ESRRG: variants seen among roughly 807,000 people sequenced by gnomAD.
The protein encoded by ESRRG is estrogen related receptor gamma, also known as estrogen-related receptor gamma.
In ESRRG, 13 loss-of-function variants were observed where a neutral mutation model predicts 44.0. The ratio of observed to expected loss-of-function variants is 0.30; its 90% CI spans 0.19 to 0.47. ESRRG has a LOEUF of 0.47. ESRRG is among the 20% of genes least tolerant of loss of function. The pLI is 1.00. For synonymous variants in ESRRG, 215 were observed against 214.6 expected (o/e 1.00, Z -0.02); for missense variants, 395 against 580.6 (o/e 0.68, Z 3.29).
chr1:216,827,075 A>G (rs1156686615), intron 2 of ESRRG, among the ~76,000 whole-genome samples: 1 of 152,204 alleles, frequency 6.6e-6, no homozygotes, highest in Non-Finnish European at 1.5e-5. Context: ...GATCATAGAA[A>G]AAGCCTGAAA....
chr1:217,065,176 C>T (rs1182760626), intron 1 of ESRRG, among the ~76,000 whole-genome samples: 1 of 152,202 alleles, frequency 6.6e-6, no homozygotes, highest in Non-Finnish European at 1.5e-5. Flanking sequence ...TGATATATTT[C>T]TAGTGATTTG....
intron 2 of ESRRG, among the ~76,000 whole-genome samples, chr1:216,816,011 T>A (rs2095125509): frequency 6.6e-6 from 1 of 152,138 alleles, no homozygotes; most frequent in African/African-American, 2.4e-5. Flanking sequence ...ACATGCAAAG[T>A]GTAAAGGAAC....
chr1:216,738,756 A>C (rs996116521), intron 2 of ESRRG, among the ~76,000 whole-genome samples: 4 of 152,154 alleles, frequency 2.6e-5, no homozygotes, highest in Non-Finnish European at 5.9e-5. Context: ...CTCTCAAAAC[A>C]CTGGCAGATT....
chr1:216,986,394 G>C (rs896581718), intron 1 of ESRRG, among the ~76,000 whole-genome samples: 1 of 152,034 alleles, frequency 6.6e-6, no homozygotes, highest in Non-Finnish European at 1.5e-5. Context: ...CATGTGGCCT[G>C]GCTCCAAACC....
At chr1:217,082,558 T>C (rs1402480536) in intron 1 of ESRRG, among the ~76,000 whole-genome samples, 2 of 152,164 alleles carry the variant, frequency 1.3e-5, no homozygotes, top group Non-Finnish European at 2.9e-5. Flanking sequence ...CTTCAGGGGA[T>C]ACGTGCACAC....
At chr1:216,967,598 C>T (rs946862301) in intron 1 of ESRRG, among the ~76,000 whole-genome samples, 12 of 152,212 alleles carry the variant, frequency 7.9e-5, no homozygotes, top group East Asian at 5.8e-4. Context: ...AATAATACTC[C>T]GTTGTCTGGA....
rs185808167 is a variant in ESRRG at position 217,034,273 on chromosome 1, G to A, written c.-106+55234C>T. ...GGATAAAACGGCTTGCTGTAGAAAG[G>A]GATCTCTTTGGCTTCTACATAAATA... On this transcript the variant is annotated intron_variant, in intron 1 of 7. Transcript: ENST00000359162. Among the ~76,000 whole-genome samples the A allele has an allele frequency of 2.0e-3, 311 of 152,220 alleles. 2 individuals are homozygous for A. The highest frequency in any genetic ancestry group is 3.5e-3 in the Non-Finnish European group (240 of 68,016).
At chr1:216,668,195 A>G (rs993651768) in intron 2 of ESRRG, among the ~76,000 whole-genome samples, 7 of 152,228 alleles carry the variant, frequency 4.6e-5, no homozygotes, top group African/African-American at 1.7e-4. Context: ...TAACAGAGAC[A>G]GTAGGAAAGA....
At chr1:216,629,695 G>T (rs1270692433) in intron 3 of ESRRG, among the ~76,000 whole-genome samples, 1 of 152,160 alleles carries the variant, frequency 6.6e-6, no homozygotes, top group African/African-American at 2.4e-5. Context: ...GCACTGAATA[G>T]AACAGGGATC....
intron 1 of ESRRG, among the ~76,000 whole-genome samples, chr1:217,014,138 G>T (rs1353639228): frequency 6.6e-6 from 1 of 151,836 alleles, no homozygotes; most frequent in African/African-American, 2.4e-5. Context: ...GGGTGTTTGG[G>T]TTCTTATTTT....
chr1:216,937,877 T>A (rs564834096), intron 2 of ESRRG, among the ~76,000 whole-genome samples: 3 of 151,694 alleles, frequency 2.0e-5, no homozygotes, highest in African/African-American at 7.3e-5. Flanking sequence ...ACCAAAGAAA[T>A]AGATTTACCT....
intron 3 of ESRRG, among the ~76,000 whole-genome samples, chr1:216,590,140 T>C (rs1047040589): frequency 5.3e-5 from 8 of 151,962 alleles, no homozygotes; most frequent in Non-Finnish European, 7.4e-5. Flanking sequence ...CAGATCCTTA[T>C]CTATGCCAAA....
chr1:216,988,212 T>C (rs762532186), intron 1 of ESRRG, among the ~76,000 whole-genome samples: 1 of 152,202 alleles, frequency 6.6e-6, no homozygotes, highest in Non-Finnish European at 1.5e-5. Context: ...ACTTTACTTA[T>C]TATCATCAAG....
chr1:216,558,879 T>G (rs1439374448), intron 5 of ESRRG, among the ~76,000 whole-genome samples: 1 of 151,012 alleles, frequency 6.6e-6, no homozygotes, highest in African/African-American at 2.5e-5. Flanking sequence ...TGTTTTTTTG[T>G]TTTTTTTGCG....
chr1:217,097,925 G>C (rs1409457202), intron 1 of ESRRG, among the ~76,000 whole-genome samples: 1 of 151,420 alleles, frequency 6.6e-6, no homozygotes, highest in African/African-American at 2.4e-5. Flanking sequence ...GAATCACTTG[G>C]AAAGCTTTTT....
chr1:216,653,603 A>T (rs2069581773), intron 2 of ESRRG, among the ~76,000 whole-genome samples: 1 of 152,090 alleles, frequency 6.6e-6, no homozygotes. Flanking sequence ...TTCTTCTTAA[A>T]ATTATTTCCA....
chr1:216,894,512 C>T (rs1050094870), intron 2 of ESRRG, among the ~76,000 whole-genome samples: 1 of 152,036 alleles, frequency 6.6e-6, no homozygotes, highest in African/African-American at 2.4e-5. Context: ...GTGTTTATTT[C>T]TCTTGGTGGC....
chr1:216,522,114 A>G (rs1158751464), intron 5 of ESRRG, among the ~76,000 whole-genome samples: 1 of 151,906 alleles, frequency 6.6e-6, no homozygotes, highest in African/African-American at 2.4e-5. Context: ...TGATCCTGCA[A>G]TTTGTTTCTT....
intron 3 of ESRRG, among the ~76,000 whole-genome samples, chr1:216,616,555 A>G (rs2061451873): frequency 6.6e-6 from 1 of 152,232 alleles, no homozygotes; most frequent in African/African-American, 2.4e-5. Flanking sequence ...GTGATGACAG[A>G]GGGCAGTCAT....
Sources: gnomAD v4.1 joint callset for allele counts (sites outside exome capture counted in the v4.1 genomes callset) on GRCh38, gnomAD v4.1.1 for gene constraint, MANE v1.5 for transcripts, NCBI Gene and HGNC (gene_info 2026-07-23, HGNC 2026-07-21) for gene names.